Variants in ACOT11 observed in about 807,000 individuals in gnomAD.
The protein encoded by ACOT11 is acyl-coenzyme A thioesterase 11.
In ACOT11, 69 loss-of-function variants were observed where a neutral mutation model predicts 77.5. The observed-to-expected ratio is 0.89, with a 90% CI of 0.73 to 1.09. The LOEUF (loss-of-function observed/expected upper bound fraction) is 1.09, where lower values mean the gene tolerates loss of function less well. Among genes scored for constraint, ACOT11 ranks in the 50% least tolerant of loss-of-function variants. The probability of loss-of-function intolerance (pLI) is 0.00; values close to 1 mark genes in which losing one functional copy is unlikely to be tolerated. For missense variants in ACOT11, 766 were observed against 813.7 expected (o/e 0.94, Z 0.71); for synonymous variants, 279 against 313.0 (o/e 0.89, Z 1.15).
intron 2 of ACOT11, 66 bp from the exon 3 acceptor site, chr1:54,585,769 C>T: frequency 6.5e-7 from 1 of 1,550,042 alleles, no homozygotes; most frequent in Non-Finnish European, 8.9e-7. Context: ...TGAGGAGGTG[C>T]CATCTGAGCA....
intron 1 of ACOT11, among the ~76,000 whole-genome samples, chr1:54,562,552 C>T (rs1653567081): frequency 7.0e-6 from 1 of 142,172 alleles, no homozygotes; most frequent in Non-Finnish European, 1.6e-5. Context: ...CTGACCCACC[C>T]CCCACCTCCC....
chr1:54,603,659 T>C (rs906650367), intron 10 of ACOT11, among the ~76,000 whole-genome samples: 1 of 152,066 alleles, frequency 6.6e-6, no homozygotes, highest in Non-Finnish European at 1.5e-5. Flanking sequence ...GCTGGCTCGC[T>C]CCCACCTCTG....
chr1:54,609,245 G>A lies in ACOT11; in HGVS notation c.*133G>A, dbSNP rs989681583. On this transcript the variant is annotated 3_prime_UTR_variant, in exon 16 of 16. Coordinates refer to ENST00000343744, the MANE Select transcript of ACOT11 (RefSeq NM_147161.4). Reference sequence around the variant, plus strand: ...GTGGGAAGCCTCCGCCCTGAGGTCCGCTGGCCCACCACCCCTGGGTGCTCA... The same window carrying A: ...GTGGGAAGCCTCCGCCCTGAGGTCCACTGGCCCACCACCCCTGGGTGCTCA... 2.8e-5 allele frequency: 45 copies of A among 1,593,476 alleles called. 1 individual carries two copies. Among genetic ancestry groups the A allele is most frequent in the Non-Finnish European group, 3.5e-5 (41 of 1,168,038 alleles).
chr1:54,567,670 CGCAG>C (rs760271036), intron 1 of ACOT11, among the ~76,000 whole-genome samples: 8 of 152,276 alleles, frequency 5.3e-5, no homozygotes, highest in Middle Eastern at 3.4e-3. Context: ...CTACACTGCC[CGCAG>C]GTGTAGCTGC....
Position 54,597,243 on chromosome 1 carries a change from T to C in ACOT11, c.608-16T>C. The C allele has an allele frequency of 6.2e-7, 1 of 1,609,526 alleles. No homozygotes were observed. Among genetic ancestry groups the C allele is most frequent in the Non-Finnish European group, 8.5e-7 (1 of 1,179,996 alleles). On this transcript the variant is annotated splice_polypyrimidine_tract_variant and intron_variant, in intron 6 of 15. Coordinates refer to ENST00000343744, the MANE Select transcript of ACOT11 (RefSeq NM_147161.4). ...CTCACCTCCCTGCTTCCCTCCCTTA[T>C]CCCATCCCTGGTCAGATCTGGAGAG...
At chr1:54,620,496 A>G (rs1644219186) in intron 15 of ACOT11, among the ~76,000 whole-genome samples, 2 of 152,020 alleles carry the variant, frequency 1.3e-5, no homozygotes, top group South Asian at 2.1e-4. Flanking sequence ...ACCTGAGATT[A>G]GGAGTTCGAG....
chr1:54,622,208 G>A (rs1644236403), intron 15 of ACOT11, among the ~76,000 whole-genome samples: 1 of 150,112 alleles, frequency 6.7e-6, no homozygotes, highest in Admixed American at 6.7e-5. Context: ...CCCAGGGGGT[G>A]GAGGTTGCAG....
chr1:54,567,287 T>A (rs1191242069), intron 1 of ACOT11, among the ~76,000 whole-genome samples: 1 of 151,070 alleles, frequency 6.6e-6, no homozygotes, highest in African/African-American at 2.4e-5. Context: ...TTTTCCTTTT[T>A]TTTTTTTTTG....
chr1:54,612,006 CCTGT>C (rs1457272168), downstream of ACOT11, among the ~76,000 whole-genome samples: 1 of 151,104 alleles, frequency 6.6e-6, no homozygotes, highest in Non-Finnish European at 1.5e-5. Context: ...ATTTCTGAGT[CCTGT>C]CTTAGGAAAG....
chr1:54,623,354 C>A, intron 15 of ACOT11: 1 of 1,613,928 alleles, frequency 6.2e-7, no homozygotes. Context: ...CGGCAAACAC[C>A]CACTTGACCT....
chr1:54,567,405 A>C (rs1191510399), intron 1 of ACOT11, among the ~76,000 whole-genome samples: 1 of 151,158 alleles, frequency 6.6e-6, no homozygotes, highest in Non-Finnish European at 1.5e-5. Context: ...CAGCCTCCGG[A>C]GTAGCTGGGA....
At position 54,607,147 on chromosome 1, in the gene ACOT11, G is replaced by A. The variant is rs755694075; in HGVS notation, c.1384G>A (p.Val462Met). 1.2e-6 allele frequency: 2 copies of A among 1,614,152 alleles called. No homozygotes were observed. Among genetic ancestry groups the A allele is most frequent in the East Asian group, 2.2e-5 (1 of 44,884 alleles). Reference protein sequence around the residue: ...WDKHYRSVELVQQVDEDDAIY... With the variant: ...WDKHYRSVELMQQVDEDDAIY... ...GCCTCCCCACAGGAGCGTGGAGCTA[G>A]TGCAGCAGGTAGACGAGGACGACGC... The change falls in exon 14 of 16, where the codon GTG becomes ATG. Residue 462 changes from valine to methionine, a missense_variant. By Grantham distance (21) the Val-to-Met change is conservative (BLOSUM62 1). Coordinates refer to ENST00000343744, the MANE Select transcript of ACOT11 (RefSeq NM_147161.4). This position sits in a 1 kb window ranked among gnomAD's most constrained non-coding sequence, Gnocchi z 4.5.
chr1:54,556,056 T>C (rs551503099), intron 1 of ACOT11, among the ~76,000 whole-genome samples: 1 of 152,298 alleles, frequency 6.6e-6, no homozygotes, highest in South Asian at 2.1e-4. Flanking sequence ...CCTGATTTTT[T>C]TATACAGTGA....
At chr1:54,626,160 C>T (rs572052593) in intron 15 of ACOT11, among the ~76,000 whole-genome samples, 3 of 151,696 alleles carry the variant, frequency 2.0e-5, no homozygotes, top group Admixed American at 1.3e-4. Flanking sequence ...CTCGGGATTA[C>T]AGTACAGGCT....
Position 54,605,214 on chromosome 1 carries a change from G to A in ACOT11, c.1370+5G>A. The A allele has an allele frequency of 1.2e-6, 2 of 1,612,372 alleles. No individual in the cohort carries two copies. The highest frequency in any genetic ancestry group is 1.7e-6 in the Non-Finnish European group (2 of 1,179,930). On this transcript the variant is annotated splice_donor_5th_base_variant and intron_variant, in intron 13 of 15. Transcript: ENST00000343744. Reference sequence around the variant, plus strand: ...AGAGTGGGACAAGCACTACCGGTGAGGGGCCAGGGTGAGGGCAGGGCAGTG... The same window carrying A: ...AGAGTGGGACAAGCACTACCGGTGAAGGGCCAGGGTGAGGGCAGGGCAGTG...
intron 15 of ACOT11, among the ~76,000 whole-genome samples, chr1:54,622,521 T>G (rs990329828): frequency 2.0e-5 from 3 of 151,360 alleles, no homozygotes; most frequent in African/African-American, 7.3e-5. Flanking sequence ...GAGGTTGCAG[T>G]GAGCCAAGAT....
At position 54,571,890 on chromosome 1, in the gene ACOT11, C is replaced by T. The variant is rs369157722; in HGVS notation, c.34-12765C>T. 3.2e-3 allele frequency among the ~76,000 whole-genome samples: 493 copies of T among 152,098 alleles called. 1 individual carries two copies. The highest frequency in any genetic ancestry group is 0.011 in the African/African-American group (449 of 41,498). On this transcript the variant is annotated intron_variant, in intron 1 of 15. Transcript: ENST00000343744. ...CTGGGGGAGCTGGGAGAAGGGGCCC[C>T]ACTTTCTGGGGAGGAAGAGGACATC...
intron 3 of ACOT11, among the ~76,000 whole-genome samples, chr1:54,591,090 T>A (rs1411600483): frequency 2.6e-5 from 4 of 152,210 alleles, no homozygotes; most frequent in Non-Finnish European, 4.4e-5. Context: ...GAAAGTGAGT[T>A]GCAGACATCG....
intron 15 of ACOT11, among the ~76,000 whole-genome samples, chr1:54,616,455 C>T (rs1364708609): frequency 6.6e-6 from 1 of 152,034 alleles, no homozygotes; most frequent in East Asian, 1.9e-4. Context: ...GCTCCACCTC[C>T]CAGTTTCAAG....
Sources: allele counts gnomAD v4.1 joint callset (sites outside exome capture counted in the v4.1 genomes callset), GRCh38; gene constraint gnomAD v4.1.1; non-coding constraint Gnocchi (gnomAD v3.1); transcripts MANE v1.5; gene names NCBI Gene and HGNC (gene_info 2026-07-23, HGNC 2026-07-21).